Variants in FOXP4 observed in about 807,000 individuals in gnomAD.
FOXP4 encodes the protein forkhead box P4.
FOXP4 carries 25 observed loss-of-function variants against 82.6 expected under a neutral mutation model. The observed-to-expected ratio is 0.30, with a 90% confidence interval of 0.22 to 0.42. FOXP4 has a LOEUF of 0.42. Among genes scored for constraint, FOXP4 ranks in the 10% least tolerant of loss-of-function variants. The pLI is 1.00. For synonymous variants in FOXP4, 415 were observed against 388.2 expected (o/e 1.07, Z -0.81); for missense variants, 785 against 900.9 (o/e 0.87, Z 1.65).
chr6:41,563,148 C>T (rs1481109981), intron 1 of FOXP4, among the ~76,000 whole-genome samples: 1 of 152,146 alleles, frequency 6.6e-6, no homozygotes. Context: ...ATACAGGGCA[C>T]CCAGGAGGCC....
chr6:41,584,727 G>T (rs375233968), intron 3 of FOXP4, 42 bp from the exon 4 acceptor site: 42 of 1,533,880 alleles, frequency 2.7e-5, no homozygotes, highest in African/African-American at 2.6e-4. Flanking sequence ...CTCCTCCTGG[G>T]TTGGGGTCCA....
intron 8 of FOXP4, among the ~76,000 whole-genome samples, chr6:41,588,267 C>A (rs183040237): frequency 2.6e-5 from 4 of 152,292 alleles, no homozygotes; most frequent in African/African-American, 9.6e-5. Context: ...GGGAGGTGGA[C>A]GGGCGGCTGG....
chr6:41,577,840 C>A (rs1426707201), intron 2 of FOXP4, 146 bp from the exon 3 acceptor site: 3 of 603,404 alleles, frequency 5.0e-6, no homozygotes, highest in Non-Finnish European at 5.9e-6. Flanking sequence ...ACCCTTACCC[C>A]AAGCCCTTAT....
chr6:41,586,096 C>A (rs1766099797), intron 5 of FOXP4, among the ~76,000 whole-genome samples: 1 of 152,122 alleles, frequency 6.6e-6, no homozygotes, highest in Admixed American at 6.5e-5. Context: ...ATCTCTCCTG[C>A]TGCCCAACCG....
chr6:41,562,489 GC>G lies in FOXP4; in HGVS notation c.-16-3248del, dbSNP rs575801323. 2.2e-3 allele frequency among the ~76,000 whole-genome samples: 336 copies of G among 151,698 alleles called. 1 individual carries two copies. Among genetic ancestry groups the G allele is most frequent in the Middle Eastern group, 6.8e-3 (2 of 294 alleles). On this transcript the variant is annotated intron_variant, in intron 1 of 16. Coordinates refer to ENST00000307972, the MANE Select transcript of FOXP4 (RefSeq NM_001012426.2). ...TTGTTCACTGGGTGTTACTCTGTATGCCCCCCCCATAAAAAGAAAAGAAAGG... is the reference window on the plus strand; with the variant it reads ...TTGTTCACTGGGTGTTACTCTGTATGCCCCCCCATAAAAAGAAAAGAAAGG...
chr6:41,566,265 T>C (rs1415320351), intron 2 of FOXP4, among the ~76,000 whole-genome samples: 1 of 152,150 alleles, frequency 6.6e-6, no homozygotes, highest in East Asian at 1.9e-4. Flanking sequence ...GGCAGCAGGC[T>C]TGAGATTGGC....
intron 4 of FOXP4, 71 bp from the exon 5 acceptor site, chr6:41,585,360 C>T (rs1766045990): frequency 6.7e-7 from 1 of 1,484,068 alleles, no homozygotes; most frequent in Admixed American, 2.0e-5. Flanking sequence ...CCCAGGAGCC[C>T]AGATGGGACA....
intron 2 of FOXP4, 112 bp downstream of exon 2, chr6:41,566,076 C>G: frequency 8.2e-7 from 1 of 1,223,298 alleles, no homozygotes; most frequent in Non-Finnish European, 1.1e-6. Flanking sequence ...CCTCACTTTA[C>G]CATTCTTAAG....
Position 41,599,154 on chromosome 6 carries a change from T to C in FOXP4, c.*218T>C. On this transcript the variant is annotated 3_prime_UTR_variant, in exon 17 of 17. Coordinates refer to ENST00000307972, the MANE Select transcript of FOXP4 (RefSeq NM_001012426.2). ...GACACAACCCCTGGTCTTGGACCAG[T>C]AGAGGACACGGAGGGTTCAGACCCC... is the stretch of plus-strand genomic sequence containing the variant. The C allele has an allele frequency of 3.5e-6, 2 of 577,036 alleles. No individual in the cohort carries two copies. Among genetic ancestry groups the C allele is most frequent in the South Asian group, 5.2e-5 (2 of 38,704 alleles). The allele number at this position is 577,036 out of a possible 1,614,324, so 35.7% of individuals were successfully genotyped here.
chr6:41,574,593 T>A (rs150026859), intron 2 of FOXP4, among the ~76,000 whole-genome samples: 1 of 152,190 alleles, frequency 6.6e-6, no homozygotes, highest in African/African-American at 2.4e-5. Flanking sequence ...ACAGCTACAG[T>A]TGACAACATC....
intron 2 of FOXP4, among the ~76,000 whole-genome samples, chr6:41,566,539 T>C (rs1383494011): frequency 6.6e-6 from 1 of 152,204 alleles, no homozygotes; most frequent in Non-Finnish European, 1.5e-5. Flanking sequence ...CTGTGTCTTA[T>C]ATTTCCTCTT....
chr6:41,586,431 A>G (rs1766124500), intron 5 of FOXP4, among the ~76,000 whole-genome samples: 1 of 152,124 alleles, frequency 6.6e-6, no homozygotes, highest in South Asian at 2.1e-4. Context: ...GGGTAGGTAG[A>G]GTGGGTGAGC....
rs773097794 is a variant in FOXP4, at chr6:41,587,154, A to G, written c.656A>G (p.Gln219Arg). 6.3e-7 allele frequency: 1 copy of G among 1,595,144 alleles called. No homozygotes were observed. The highest frequency in any genetic ancestry group is 1.1e-5 in the South Asian group (1 of 88,574). ...QASGPLQTLP[Q>R]AAVCPTDLPQ... is the part of the protein sequence containing the mutation. ...TCGGGGCCCCTCCAGACCCTTCCGCAAGGTGAGCACCCGCCACTCCTCCCC... is the reference window on the plus strand; with the variant it reads ...TCGGGGCCCCTCCAGACCCTTCCGCGAGGTGAGCACCCGCCACTCCTCCCC... The change falls in exon 6 of 17, where the codon CAA (glutamine) becomes CGA (arginine). Residue 219 changes from glutamine to arginine, a missense_variant and splice_region_variant. By Grantham distance (43) the Gln-to-Arg change is conservative. Transcript: ENST00000307972.
At chr6:41,575,071 C>T (rs1045166541) in intron 2 of FOXP4, among the ~76,000 whole-genome samples, 2 of 152,198 alleles carry the variant, frequency 1.3e-5, no homozygotes, top group African/African-American at 2.4e-5. Flanking sequence ...CGGGTTCACG[C>T]CATCATTCTG....
rs1182170594 is a variant in FOXP4 at position 41,602,071 on chromosome 6, GC to G, written c.*3139del. On this transcript the variant is annotated 3_prime_UTR_variant, in exon 17 of 17. Coordinates refer to ENST00000307972, the MANE Select transcript of FOXP4 (RefSeq NM_001012426.2). ...ATCTATTTCTGTCTGTCGCTCACTC[GC>G]CCCGCTTTCTCTGTCTCACCTTCAT... 6.6e-6 allele frequency: 1 copy of G among 152,276 alleles called. No homozygotes were observed. Among genetic ancestry groups the G allele is most frequent in the Non-Finnish European group, 1.5e-5 (1 of 68,192 alleles). The allele number at this position is 152,276 out of a possible 1,614,324, so 9.4% of individuals were successfully genotyped here.
At chr6:41,584,253 C>T (rs1261468207) in intron 3 of FOXP4, among the ~76,000 whole-genome samples, 1 of 152,212 alleles carries the variant, frequency 6.6e-6, no homozygotes, top group Non-Finnish European at 1.5e-5. Context: ...GCAAGGTGGG[C>T]CACGTTTTGA....
chr6:41,588,799 T>A (rs1010437518), intron 9 of FOXP4, 68 bp downstream of exon 9: 100 of 1,560,234 alleles, frequency 6.4e-5, no homozygotes, highest in Non-Finnish European at 8.7e-5. Context: ...CAGCACTGAC[T>A]TGCTAGGTGG....
intron 13 of FOXP4, among the ~76,000 whole-genome samples, chr6:41,592,764 T>C (rs1766591769): frequency 6.6e-6 from 1 of 152,172 alleles, no homozygotes. Context: ...CTCTCTTCTC[T>C]TGAGGTCAGG....
chr6:41,584,949 AC>A (rs1766019683), intron 4 of FOXP4, 58 bp downstream of exon 4: 18 of 1,531,780 alleles, frequency 1.2e-5, no homozygotes, highest in Non-Finnish European at 1.5e-5. Context: ...GGCTCCTCCC[AC>A]CCTGTTTACA....
Sources: allele counts gnomAD v4.1 joint callset (sites outside exome capture counted in the v4.1 genomes callset), GRCh38; gene constraint gnomAD v4.1.1; transcripts MANE v1.5; gene names NCBI Gene and HGNC (gene_info 2026-07-23, HGNC 2026-07-21).